Variants in PKD1L3 observed in about 807,000 individuals in gnomAD.
PKD1L3 encodes polycystin-1-like protein 3.
Under a neutral mutation model 184.1 loss-of-function variants are expected in PKD1L3, and 239 were observed. The ratio of observed to expected loss-of-function variants is 1.30; its 90% CI spans 1.17 to 1.45. The LOEUF is 1.45. PKD1L3 is among the 40% of genes most tolerant of loss of function. PKD1L3 has a pLI of 0.00. For missense variants in PKD1L3, 2,660 were observed against 2,067.2 expected (o/e 1.29, Z -5.56); for synonymous variants, 996 against 778.8 (o/e 1.28, Z -4.64).
Position 71,954,216 on chromosome 16 carries a change from A to G in PKD1L3, c.2698T>C (p.Phe900Leu), listed in dbSNP as rs1340255521. Residue 900 changes from phenylalanine to leucine, a missense_variant, in exon 17 of 30, where the codon TTT becomes CTT. By Grantham distance (22) the Phe-to-Leu change is conservative. Coordinates refer to ENST00000620267, the MANE Select transcript of PKD1L3 (RefSeq NM_181536.2). ...CAAGACAGCCGTTGGACCCTTGTAA[A>G]CTGGTTCCAGGGATGCCGAGTTGCA... ...SIATRHPWNQ[F>L]TRVQRLSCCM... The G allele has an allele frequency of 6.4e-7, 1 of 1,551,368 alleles. No homozygotes were observed. The highest frequency in any genetic ancestry group is 1.2e-5 in the South Asian group (1 of 83,974).
At chr16:71,959,762 A>C (rs1246341262) in intron 16 of PKD1L3, among the ~76,000 whole-genome samples, 1 of 152,188 alleles carries the variant, frequency 6.6e-6, no homozygotes, top group Non-Finnish European at 1.5e-5. Flanking sequence ...CAGGAAGTGG[A>C]AAAACAAGAG....
chr16:71,970,223 G>C, intron 12 of PKD1L3, 118 bp from the exon 13 acceptor site: 1 of 763,430 alleles, frequency 1.3e-6, no homozygotes, highest in Non-Finnish European at 2.1e-6. Context: ...CTCATTCACA[G>C]CTGGTGATGG....
intron 2 of PKD1L3, among the ~76,000 whole-genome samples, chr16:71,997,179 T>C (rs1010334492): frequency 2.0e-5 from 3 of 152,184 alleles, no homozygotes; most frequent in African/African-American, 7.2e-5. Context: ...TGTTCTGTTA[T>C]GAATAAAGCT....
At position 71,950,057 on chromosome 16, in the gene PKD1L3, G is replaced by A. The variant is rs1009218327; in HGVS notation, c.3384-40C>T. On this transcript the variant is annotated intron_variant, in intron 20 of 29. Transcript: ENST00000620267. ...TTGAGGGAATAATCTTGTATGCATCGGCTGAGATAGAGGATGAGGAAGATT... is the reference window on the plus strand; with the variant it reads ...TTGAGGGAATAATCTTGTATGCATCAGCTGAGATAGAGGATGAGGAAGATT... 5.2e-6 allele frequency: 8 copies of A among 1,549,216 alleles called. No homozygotes were observed. In the African/African-American group the frequency reaches 5.5e-5, roughly 11 times the overall value.
chr16:71,929,888 T>C, intron 29 of PKD1L3, 164 bp downstream of exon 29: 2 of 1,038,080 alleles, frequency 1.9e-6, no homozygotes, highest in South Asian at 1.8e-5. Context: ...TGTAGTCTTA[T>C]AAATTGGGTT....
intron 24 of PKD1L3, among the ~76,000 whole-genome samples, chr16:71,938,897 C>T (rs560863407): frequency 4.6e-5 from 7 of 152,208 alleles, no homozygotes; most frequent in South Asian, 2.1e-4. Flanking sequence ...ACTCGGGACC[C>T]GCTGAGTGGT....
intron 16 of PKD1L3, among the ~76,000 whole-genome samples, chr16:71,960,049 G>A (rs2039209870): frequency 6.6e-6 from 1 of 151,982 alleles, no homozygotes. Flanking sequence ...TGAGGCTGGC[G>A]AGGTTGAGGC....
At chr16:71,930,762 A>G (rs924078395) in intron 28 of PKD1L3, 10 of 152,326 alleles carry the variant, frequency 6.6e-5, no homozygotes, top group Admixed American at 2.0e-4. Context: ...AATGGTTCCC[A>G]TAACAAAAAC....
chr16:71,983,941 G>A, intron 6 of PKD1L3, 95 bp downstream of exon 6: 2 of 1,467,664 alleles, frequency 1.4e-6, no homozygotes, highest in Non-Finnish European at 9.1e-7. Flanking sequence ...GGGATTACAG[G>A]CGTGAGCCAC....
At chr16:71,930,246 G>A in intron 28 of PKD1L3, 63 bp from the exon 29 acceptor site, 1 of 1,441,728 alleles carries the variant, frequency 6.9e-7, no homozygotes, top group Non-Finnish European at 9.2e-7. Flanking sequence ...ACAAACATAA[G>A]CTATATGCTA....
chr16:71,995,284 AC>A (rs11291018), intron 2 of PKD1L3, among the ~76,000 whole-genome samples: 46,441 of 151,994 alleles, frequency 0.31, 10,115 homozygotes, highest in African/African-American at 0.62. Flanking sequence ...TTAAAGCCCC[AC>A]GTCTTAATGC....
intron 2 of PKD1L3, 51 bp downstream of exon 2, chr16:71,998,221 A>T: frequency 6.5e-7 from 1 of 1,547,726 alleles, no homozygotes; most frequent in Non-Finnish European, 8.7e-7. Context: ...CCTTATTTAG[A>T]ATCAGTTTCT....
At position 71,967,966 on chromosome 16, in the gene PKD1L3, T is replaced by C; in HGVS notation, c.2226A>G (p.Gln742=). The C allele has an allele frequency of 2.6e-6, 4 of 1,551,488 alleles. No homozygotes were observed. The highest frequency in any genetic ancestry group is 3.9e-5 in the Admixed American group (2 of 50,974). ...TGTAGACCTGAATAAGGTAGTGAAA[T>C]TGAGCGCTGGGGTCATTATCAGCCA... ...TVLADNDPSA[Q]FHYLIQVYTG... is the part of the protein sequence containing the mutation. The change falls in exon 14 of 30, where the codon CAA becomes CAG. Residue 742 remains glutamine (Q), a synonymous_variant. Transcript: ENST00000620267.
At chr16:71,968,375 G>T (rs1374492183) in intron 13 of PKD1L3, among the ~76,000 whole-genome samples, 2 of 152,120 alleles carry the variant, frequency 1.3e-5, no homozygotes, top group Non-Finnish European at 2.9e-5. Flanking sequence ...TTACACTAAC[G>T]ATGCACTGTT....
intron 6 of PKD1L3, among the ~76,000 whole-genome samples, chr16:71,982,448 A>G (rs9936019): frequency 0.76 from 115,661 of 151,650 alleles, 44,350 homozygotes; most frequent in South Asian, 0.86. Flanking sequence ...ACCATGCTCA[A>G]CTAATTTTGT....
At chr16:71,936,157 G>A (rs1271681627) in intron 25 of PKD1L3, among the ~76,000 whole-genome samples, 1 of 150,602 alleles carries the variant, frequency 6.6e-6, no homozygotes, top group Non-Finnish European at 1.5e-5. Context: ...TTTGGCTTAA[G>A]ATATAAATAT....
At chr16:71,950,418 C>G in intron 19 of PKD1L3, 108 bp from the exon 20 acceptor site, 2 of 1,004,268 alleles carry the variant, frequency 2.0e-6, no homozygotes, top group Non-Finnish European at 1.4e-6. Flanking sequence ...TATTTTCCCA[C>G]TACTAGCAGA....
intron 24 of PKD1L3, among the ~76,000 whole-genome samples, chr16:71,940,807 G>A (rs1409545004): frequency 6.7e-6 from 1 of 148,460 alleles, no homozygotes; most frequent in Non-Finnish European, 1.5e-5. Flanking sequence ...GCCAGGCACA[G>A]AGCTTATAAT....
intron 19 of PKD1L3, 37 bp from the exon 20 acceptor site, chr16:71,950,347 G>A (rs1192557028): frequency 3.1e-5 from 46 of 1,471,456 alleles, no homozygotes; most frequent in Non-Finnish European, 4.0e-5. Flanking sequence ...TTCACAAGTG[G>A]ATTTCAATAA....
Sources: gnomAD v4.1 joint callset for allele counts (sites outside exome capture counted in the v4.1 genomes callset) on GRCh38, gnomAD v4.1.1 for gene constraint, MANE v1.5 for transcripts, NCBI Gene and HGNC (gene_info 2026-07-23, HGNC 2026-07-21) for gene names.